GPC6: variants seen among roughly 807,000 people sequenced by gnomAD.
The protein encoded by GPC6 is glypican 6, also known as glypican-6.
Under a neutral mutation model 55.2 loss-of-function variants are expected in GPC6, and 14 were observed. The ratio of observed to expected loss-of-function variants is 0.25; its 90% CI spans 0.17 to 0.40. GPC6 has a LOEUF of 0.40. Ranked by LOEUF, GPC6 falls within the 10% of genes least tolerant of loss-of-function variation. GPC6 has a pLI of 1.00. For missense variants in GPC6, 641 were observed against 708.5 expected (o/e 0.90, Z 1.08); for synonymous variants, 278 against 259.6 (o/e 1.07, Z -0.68).
chr13:94,041,399 A>G lies in GPC6; in HGVS notation c.877+13505A>G, dbSNP rs1197256795. Among the ~76,000 whole-genome samples the G allele has an allele frequency of 2.6e-5, 4 of 151,904 alleles. No homozygotes were observed. The East Asian group carries it at 7.7e-4, about 29-fold the overall frequency. On this transcript the variant is annotated intron_variant, in intron 4 of 8. Coordinates refer to ENST00000377047, the MANE Select transcript of GPC6 (RefSeq NM_005708.5). The stretch of plus-strand genomic sequence containing the variant: ...GTACTAATTGAGAGAGCAAGGATAC[A>G]AACATCAAATTATTGCCTTCTAGAA...
intron 1 of GPC6, among the ~76,000 whole-genome samples, chr13:93,454,263 G>A (rs1878347067): frequency 6.6e-6 from 1 of 151,296 alleles, no homozygotes; most frequent in East Asian, 2.0e-4. Flanking sequence ...GGCCCCACCA[G>A]AGTAGCTAGA....
intron 4 of GPC6, among the ~76,000 whole-genome samples, chr13:94,171,984 A>T (rs1306756544): frequency 1.3e-5 from 2 of 152,282 alleles, no homozygotes; most frequent in South Asian, 2.1e-4. Flanking sequence ...GGAATTGATG[A>T]GCATTTTCAA....
At chr13:94,109,898 G>C (rs1483926756) in intron 4 of GPC6, among the ~76,000 whole-genome samples, 2 of 151,810 alleles carry the variant, frequency 1.3e-5, no homozygotes, top group Non-Finnish European at 2.9e-5. Context: ...AGTCATTGTG[G>C]CTCCATCAAC....
chr13:94,334,024 T>A (rs1877557656), intron 6 of GPC6, among the ~76,000 whole-genome samples: 1 of 152,206 alleles, frequency 6.6e-6, no homozygotes, highest in Admixed American at 6.5e-5. Flanking sequence ...CTCTTTCTGT[T>A]TTCTGATGCT....
chr13:93,561,720 A>G (rs1040337572), intron 2 of GPC6, among the ~76,000 whole-genome samples: 2 of 152,096 alleles, frequency 1.3e-5, no homozygotes, highest in African/African-American at 4.8e-5. Flanking sequence ...GGAGATAGTC[A>G]TATGTGTTTC....
chr13:94,154,998 C>G (rs588792), intron 4 of GPC6, among the ~76,000 whole-genome samples: 86,969 of 151,976 alleles, frequency 0.57, 26,319 homozygotes, highest in Non-Finnish European at 0.67. Context: ...CCTTTCTTGT[C>G]CCTTGAGCGC....
At chr13:94,131,278 T>G (rs963999294) in intron 4 of GPC6, among the ~76,000 whole-genome samples, 15 of 152,150 alleles carry the variant, frequency 9.9e-5, no homozygotes, top group Non-Finnish European at 1.8e-4. Flanking sequence ...TTTATGGCTT[T>G]ATTGTGCATT....
At chr13:94,246,008 G>A (rs566270322) in intron 4 of GPC6, among the ~76,000 whole-genome samples, 34 of 151,902 alleles carry the variant, frequency 2.2e-4, no homozygotes, top group Non-Finnish European at 2.9e-4. Context: ...CCTTTTCTCC[G>A]CACCCTTGAC....
At chr13:94,155,030 T>C (rs1887880600) in intron 4 of GPC6, among the ~76,000 whole-genome samples, 1 of 152,122 alleles carries the variant, frequency 6.6e-6, no homozygotes, top group African/African-American at 2.4e-5. Context: ...GGGCACTGCA[T>C]TGGTCCTTTA....
chr13:93,484,929 T>C (rs1879644432), intron 1 of GPC6, among the ~76,000 whole-genome samples: 1 of 152,170 alleles, frequency 6.6e-6, no homozygotes, highest in South Asian at 2.1e-4. Context: ...TATTCTTCAA[T>C]AAATAAATAC....
chr13:93,466,369 AT>A (rs1232628038), intron 1 of GPC6, among the ~76,000 whole-genome samples: 1 of 152,278 alleles, frequency 6.6e-6, no homozygotes, highest in East Asian at 1.9e-4. Flanking sequence ...ATATTTACTC[AT>A]TTTTTAACAG....
intron 4 of GPC6, among the ~76,000 whole-genome samples, chr13:94,233,708 C>G (rs1417062334): frequency 1.3e-5 from 2 of 151,898 alleles, no homozygotes; most frequent in African/African-American, 2.4e-5. Flanking sequence ...TTCAAGGAAC[C>G]CTTATATTTC....
At chr13:93,781,203 G>C (rs1310137955) in intron 2 of GPC6, among the ~76,000 whole-genome samples, 1 of 151,594 alleles carries the variant, frequency 6.6e-6, no homozygotes, top group Non-Finnish European at 1.5e-5. Flanking sequence ...TTGAACCTGG[G>C]AGGCGGAGGT....
Position 94,186,059 on chromosome 13 carries a change from C to CAAAAAAAAAAA in GPC6, c.878-100290_878-100289insAAAAAAAAAAA, listed in dbSNP as rs776003680. Among the ~76,000 whole-genome samples, 11 of 63,850 alleles carry CAAAAAAAAAAA rather than the reference C, an allele frequency of 1.7e-4. 3 individuals are homozygous for CAAAAAAAAAAA. The highest frequency in any genetic ancestry group is 4.8e-4 in the Admixed American group (2 of 4,208). 41.9% of individuals were successfully genotyped at this position (63,850 alleles called of 152,430 possible). A position where few individuals can be genotyped will look rare whatever the true frequency, so the allele number is the denominator to read the frequency against. ...TAGGTGACAGAGCGAGACTCCGTCT[C>CAAAAAAAAAAA]CAAAAAAAAAAAAAAAAAAAAGGTT... On this transcript the variant is annotated intron_variant, in intron 4 of 8. Coordinates refer to ENST00000377047, the MANE Select transcript of GPC6 (RefSeq NM_005708.5).
intron 2 of GPC6, among the ~76,000 whole-genome samples, chr13:93,760,285 A>T (rs778171683): frequency 6.6e-6 from 1 of 152,232 alleles, no homozygotes; most frequent in Non-Finnish European, 1.5e-5. Context: ...CACCATGTTA[A>T]GCCGCTTCTC....
chr13:94,393,619 C>T (rs539205010), intron 7 of GPC6, among the ~76,000 whole-genome samples: 1 of 152,110 alleles, frequency 6.6e-6, no homozygotes, highest in African/African-American at 2.4e-5. Context: ...GAATCATGCA[C>T]CTGAGAAGAA....
chr13:93,637,969 G>A (rs1286641122), intron 2 of GPC6, among the ~76,000 whole-genome samples: 4 of 151,950 alleles, frequency 2.6e-5, no homozygotes, highest in Non-Finnish European at 5.9e-5. Flanking sequence ...GCAAGATGGA[G>A]TACTCACCTT....
intron 1 of GPC6, among the ~76,000 whole-genome samples, chr13:93,404,454 G>A (rs1399349426): frequency 6.6e-6 from 1 of 152,036 alleles, no homozygotes; most frequent in Admixed American, 6.6e-5. Context: ...CATTGCCACA[G>A]GAGTGTTATT....
chr13:93,717,875 C>G (rs1034320340), intron 2 of GPC6, among the ~76,000 whole-genome samples: 4 of 151,670 alleles, frequency 2.6e-5, no homozygotes, highest in African/African-American at 9.7e-5. Flanking sequence ...GTTTTCTGTT[C>G]CTGTGTTAGT....
Sources: allele counts gnomAD v4.1 joint callset (sites outside exome capture counted in the v4.1 genomes callset), GRCh38; gene constraint gnomAD v4.1.1; transcripts MANE v1.5; gene names NCBI Gene and HGNC (gene_info 2026-07-23, HGNC 2026-07-21).